Variants in CUBN observed in about 807,000 individuals in gnomAD.
CUBN encodes 460 kDa receptor.
A neutral mutation model predicts 405.3 loss-of-function variants in CUBN; 282 were observed. The observed-to-expected ratio is 0.70, with a 90% CI of 0.63 to 0.77. CUBN has a LOEUF of 0.77. Among genes scored for constraint, CUBN ranks in the 30% least tolerant of loss-of-function variants. The probability of loss-of-function intolerance (pLI) is 0.00; values close to 1 mark genes in which losing one functional copy is unlikely to be tolerated. For missense variants in CUBN, 4,514 were observed against 4,475.2 expected (o/e 1.01, Z -0.25); for synonymous variants, 1,684 against 1,617.0 (o/e 1.04, Z -0.99).
intron 63 of CUBN, among the ~76,000 whole-genome samples, chr10:16,835,549 A>T (rs1000430704): frequency 6.6e-6 from 1 of 151,852 alleles, no homozygotes; most frequent in Non-Finnish European, 1.5e-5. Flanking sequence ...TACCTCCAAG[A>T]CAGAGTTTTG....
chr10:17,044,919 T>C, intron 25 of CUBN, 88 bp downstream of exon 25: 1 of 1,322,372 alleles, frequency 7.6e-7, no homozygotes, highest in East Asian at 2.3e-5. Context: ...GATGCTCCCC[T>C]TTCCTGAATC....
chr10:17,121,784 T>C (rs1837047304), intron 6 of CUBN: 1 of 152,158 alleles, frequency 6.6e-6, no homozygotes, highest in African/African-American at 2.4e-5. Context: ...TGGATATTGT[T>C]ATGTGGAAAT....
chr10:17,085,928 C>T (rs959530575), intron 15 of CUBN, among the ~76,000 whole-genome samples, 169 bp from the exon 16 acceptor site: 1 of 151,874 alleles, frequency 6.6e-6, no homozygotes, highest in African/African-American at 2.4e-5. Flanking sequence ...AAGTGTGTCT[C>T]CTTCTCCCAT....
intron 27 of CUBN, 102 bp downstream of exon 27, chr10:17,040,931 G>T: frequency 1.8e-6 from 2 of 1,086,668 alleles, no homozygotes; most frequent in Non-Finnish European, 2.8e-6. Context: ...GATGCGTGGG[G>T]CAGAGTTAGG....
At chr10:16,964,631 A>G (rs1338631643) in intron 31 of CUBN, among the ~76,000 whole-genome samples, 1 of 152,190 alleles carries the variant, frequency 6.6e-6, no homozygotes, top group African/African-American at 2.4e-5. Flanking sequence ...AATAAAATCT[A>G]TATTAAAAGT....
intron 27 of CUBN, among the ~76,000 whole-genome samples, chr10:17,022,931 C>T (rs550048463): frequency 6.6e-6 from 1 of 152,282 alleles, no homozygotes; most frequent in South Asian, 2.1e-4. Context: ...AAGATTTCTC[C>T]ATAACTATAA....
At chr10:17,026,655 T>TAATA (rs1834674580) in intron 27 of CUBN, among the ~76,000 whole-genome samples, 1 of 150,804 alleles carries the variant, frequency 6.6e-6, no homozygotes, top group East Asian at 1.9e-4. Context: ...AATAAATAAA[T>TAATA]AATAAGAATC....
In CUBN at chr10:16,952,400, C is replaced by A; in HGVS notation, c.4856-11G>T. ...TGTGGCCTCCGCAGGCTGGGGAACA[C>A]ACAAACACACATACATGTCATATGC... is the stretch of plus-strand genomic sequence containing the variant. On this transcript the variant is annotated splice_polypyrimidine_tract_variant and intron_variant, in intron 32 of 66. Transcript: ENST00000377833. The A allele has an allele frequency of 7.0e-7, 1 of 1,433,214 alleles. No individual in the cohort carries two copies. The highest frequency in any genetic ancestry group is 2.3e-5 in the East Asian group (1 of 44,034). The allele number at this position is 1,433,214 out of a possible 1,614,324, so 88.8% of individuals were successfully genotyped here.
At chr10:17,103,069 T>G in intron 13 of CUBN, 56 bp downstream of exon 13, 1 of 932,912 alleles carries the variant, frequency 1.1e-6, no homozygotes, top group South Asian at 1.4e-5. Context: ...ATACACATAC[T>G]CCATATTTAT....
intron 54 of CUBN, among the ~76,000 whole-genome samples, chr10:16,891,931 C>G (rs34668480): frequency 2.0e-5 from 3 of 152,152 alleles, no homozygotes; most frequent in African/African-American, 7.2e-5. Flanking sequence ...AGACAACTAT[C>G]TCAAACAAGG....
intron 60 of CUBN, among the ~76,000 whole-genome samples, chr10:16,848,690 CTT>C (rs10562297): frequency 8.8e-4 from 47 of 53,354 alleles, no homozygotes; most frequent in African/African-American, 2.2e-3. Flanking sequence ...CTCTCCCAGC[CTT>C]TTTTTTTTTT....
At chr10:16,851,769 CCTCA>C (rs1394515486) in intron 59 of CUBN, among the ~76,000 whole-genome samples, 2 of 131,692 alleles carry the variant, frequency 1.5e-5, no homozygotes, top group East Asian at 2.4e-4. Context: ...TCTTTCCCTC[CCTCA>C]CTCTCTTTCC....
chr10:16,986,857 T>C (rs544744278), intron 29 of CUBN, among the ~76,000 whole-genome samples: 2 of 152,292 alleles, frequency 1.3e-5, no homozygotes, highest in South Asian at 4.1e-4. Context: ...GAACGCCAAG[T>C]GTTAAGTTCT....
chr10:16,942,787 G>GGGAAC, intron 36 of CUBN, among the ~76,000 whole-genome samples: 1 of 147,580 alleles, frequency 6.8e-6, no homozygotes, highest in South Asian at 2.2e-4. Context: ...AAAGGAAAAA[G>GGGAAC]GGAAGGGAAG....
intron 53 of CUBN, among the ~76,000 whole-genome samples, chr10:16,900,059 C>A (rs1026642583): frequency 6.6e-6 from 1 of 152,202 alleles, no homozygotes; most frequent in African/African-American, 2.4e-5. Flanking sequence ...TGACTCAGGA[C>A]CCATTCACTA....
At position 16,889,946 on chromosome 10, in the gene CUBN, A is replaced by C. The variant is rs569791328; in HGVS notation, c.8755+425T>G. The stretch of plus-strand genomic sequence containing the variant: ...GTGAGACGCCGTGTCAAAAAAAAAA[A>C]AAAAAAACAGGAAAGACTTCGTCAT... On this transcript the variant is annotated intron_variant, in intron 55 of 66. Transcript: ENST00000377833. Among the ~76,000 whole-genome samples, 1,383 of 143,524 alleles carry C rather than the reference A, an allele frequency of 9.6e-3. 23 individuals carry two copies. The highest frequency in any genetic ancestry group is 0.016 in the Non-Finnish European group (1,057 of 65,526). The allele number at this position is 143,524 out of a possible 152,430, so 94.2% of individuals were successfully genotyped here. A position where few individuals can be genotyped will look rare whatever the true frequency, so the allele number is the denominator to read the frequency against.
At chr10:16,877,193 A>C in intron 56 of CUBN, 96 bp from the exon 57 acceptor site, 1 of 1,005,302 alleles carries the variant, frequency 9.9e-7, no homozygotes, top group Non-Finnish European at 1.5e-6. Flanking sequence ...TGACTCATGC[A>C]ATTGCTATAA....
chr10:16,831,016 G>A (rs1838973351), intron 65 of CUBN, among the ~76,000 whole-genome samples: 2 of 152,044 alleles, frequency 1.3e-5, no homozygotes, highest in African/African-American at 4.8e-5. Context: ...GAACCTGGGA[G>A]GTGGAGGTTG....
intron 48 of CUBN, 109 bp downstream of exon 48, chr10:16,913,702 A>G: frequency 8.4e-7 from 1 of 1,188,416 alleles, no homozygotes; most frequent in Non-Finnish European, 1.3e-6. Context: ...TCTGAGTTAT[A>G]GTTGCATAGA....
Sources: gnomAD v4.1 joint callset for allele counts (sites outside exome capture counted in the v4.1 genomes callset) on GRCh38, gnomAD v4.1.1 for gene constraint, MANE v1.5 for transcripts, NCBI Gene and HGNC (gene_info 2026-07-23, HGNC 2026-07-21) for gene names.